The following LRP2 variants were observed in gnomAD, a reference collection of about 807,000 sequenced individuals.
LRP2 encodes LDL receptor related protein 2.
Under a neutral mutation model 531.0 loss-of-function variants are expected in LRP2, and 172 were observed. The observed-to-expected ratio is 0.32, with a 90% confidence interval of 0.29 to 0.37. The LOEUF is 0.37. Among genes scored for constraint, LRP2 ranks in the 10% least tolerant of loss-of-function variants. The pLI, the probability that LRP2 is intolerant of heterozygous loss-of-function variation, is 1.00. For missense variants in LRP2, 5,167 were observed against 5,868.3 expected (o/e 0.88, Z 3.90); for synonymous variants, 1,992 against 2,027.6 (o/e 0.98, Z 0.47).
At chr2:169,317,806 G>T (rs563970824) in intron 3 of LRP2, among the ~76,000 whole-genome samples, 2,067 of 152,268 alleles carry the variant, frequency 0.014, 50 homozygotes, top group African/African-American at 0.047. Flanking sequence ...GCCAGTCATG[G>T]GGGGGTCATG....
intron 1 of LRP2, among the ~76,000 whole-genome samples, chr2:169,330,894 TA>T (rs1039648185): frequency 3.2e-4 from 48 of 151,576 alleles, no homozygotes; most frequent in Admixed American, 6.6e-4. Context: ...CTAAAGATAA[TA>T]AAATTTCTTA....
At chr2:169,168,702 C>G in intron 60 of LRP2, 26 bp from the exon 61 acceptor site, 1 of 1,613,536 alleles carries the variant, frequency 6.2e-7, no homozygotes, top group South Asian at 1.1e-5. Flanking sequence ...AAAACATATT[C>G]AAATTATTAT....
chr2:169,207,570 C>A (rs1688441405), intron 38 of LRP2, among the ~76,000 whole-genome samples: 1 of 152,152 alleles, frequency 6.6e-6, no homozygotes, highest in Admixed American at 6.5e-5. Flanking sequence ...CTATCTGAAG[C>A]TCTAAATGCT....
rs10195737 is a variant in LRP2, at chr2:169,356,906, C to A, written c.79+5415G>T. Among the ~76,000 whole-genome samples, 3 of 152,080 alleles carry A rather than the reference C, an allele frequency of 2.0e-5. No individual in the cohort carries two copies. The South Asian group carries it at 6.2e-4, about 32-fold the overall frequency. ...GCAAAACTGCAGTCCATTTTAATTG[C>A]GAGATATGTAGACACCTCTTTTCAG... On this transcript the variant is annotated intron_variant, in intron 1 of 78. Coordinates refer to ENST00000649046, the MANE Select transcript of LRP2 (RefSeq NM_004525.3).
Position 169,205,693 on chromosome 2 carries a change from A to C in LRP2, c.7557-56T>G. 4.4e-6 allele frequency: 5 copies of C among 1,133,956 alleles called. No individual in the cohort carries two copies. The South Asian group carries it at 4.9e-5, about 11-fold the overall frequency. 70.2% of individuals were successfully genotyped at this position (1,133,956 alleles called of 1,614,324 possible). ...TCACAGGGAACCTCATAGTCCTTTA[A>C]AAAAAAAAAAAAGGACAATATTCTT... On this transcript the variant is annotated intron_variant, in intron 40 of 78. Coordinates refer to ENST00000649046, the MANE Select transcript of LRP2 (RefSeq NM_004525.3).
At chr2:169,303,257 C>A (rs1227000950) in intron 4 of LRP2, among the ~76,000 whole-genome samples, 2 of 152,044 alleles carry the variant, frequency 1.3e-5, no homozygotes, top group African/African-American at 2.4e-5. Context: ...AGCTAAGTAA[C>A]CTTTAAACAA....
chr2:169,306,255 C>T (rs1340036106), intron 4 of LRP2, among the ~76,000 whole-genome samples: 5 of 152,044 alleles, frequency 3.3e-5, no homozygotes, highest in African/African-American at 1.2e-4. Flanking sequence ...AACTAGGGGC[C>T]AGACACAGTG....
At chr2:169,294,008 C>A (rs1234510012) in intron 6 of LRP2, 140 bp downstream of exon 6, 2 of 716,650 alleles carry the variant, frequency 2.8e-6, no homozygotes, top group African/African-American at 3.5e-5. Flanking sequence ...CGTCTGATTC[C>A]ATCTGCCATC....
At chr2:169,287,705 T>A (rs1267933663) in intron 9 of LRP2, among the ~76,000 whole-genome samples, 7 of 151,548 alleles carry the variant, frequency 4.6e-5, no homozygotes, top group African/African-American at 1.2e-4. Flanking sequence ...GAGTAGTTGT[T>A]AAGATTAGCT....
intron 12 of LRP2, among the ~76,000 whole-genome samples, chr2:169,278,556 T>G (rs1301365998): frequency 6.6e-6 from 1 of 152,194 alleles, no homozygotes; most frequent in Non-Finnish European, 1.5e-5. Context: ...GCTTCTCTTT[T>G]TTACACCCAG....
intron 31 of LRP2, among the ~76,000 whole-genome samples, chr2:169,227,384 A>G (rs1285901386): frequency 6.6e-6 from 1 of 152,238 alleles, no homozygotes; most frequent in African/African-American, 2.4e-5. Context: ...ACATTCCCAT[A>G]ATATCTTAAA....
intron 65 of LRP2, 143 bp from the exon 66 acceptor site, chr2:169,154,746 A>G: frequency 1.3e-6 from 1 of 750,344 alleles, no homozygotes; most frequent in Non-Finnish European, 2.3e-6. Context: ...GTTAATCAAT[A>G]AAGCTGACTC....
At chr2:169,285,703 A>G (rs1251397046) in intron 9 of LRP2, among the ~76,000 whole-genome samples, 2 of 152,134 alleles carry the variant, frequency 1.3e-5, no homozygotes, top group Non-Finnish European at 2.9e-5. Flanking sequence ...CTGCACCACG[A>G]TGTCATTCTG....
intron 32 of LRP2, among the ~76,000 whole-genome samples, chr2:169,225,813 C>T (rs543200440): frequency 6.6e-6 from 1 of 152,086 alleles, no homozygotes; most frequent in Non-Finnish European, 1.5e-5. Context: ...TTCTTCTCTT[C>T]CTCCTTTATA....
chr2:169,169,534 T>G (rs1259042429), intron 60 of LRP2, among the ~76,000 whole-genome samples, 168 bp downstream of exon 60: 1 of 152,238 alleles, frequency 6.6e-6, no homozygotes, highest in Non-Finnish European at 1.5e-5. Context: ...CATTGTGAAA[T>G]GTATGATTAT....
chr2:169,226,641 T>C (rs1457629791), intron 31 of LRP2, 53 bp from the exon 32 acceptor site: 10 of 1,382,702 alleles, frequency 7.2e-6, no homozygotes, highest in Admixed American at 1.7e-5. Context: ...TTCCCAGACA[T>C]TTAGAGTAAT....
chr2:169,247,972 A>G (rs1690078209), intron 19 of LRP2, among the ~76,000 whole-genome samples: 2 of 152,190 alleles, frequency 1.3e-5, no homozygotes, highest in African/African-American at 4.8e-5. Context: ...TTCATATTCT[A>G]TGTTTTAATG....
intron 1 of LRP2, among the ~76,000 whole-genome samples, chr2:169,322,166 A>G (rs1684924361): frequency 2.0e-5 from 3 of 152,360 alleles, no homozygotes; most frequent in South Asian, 4.1e-4. Context: ...AAATTAGGTA[A>G]ATATACAGAT....
rs371738642 is a variant in LRP2, at chr2:169,169,739, G to A, written c.11460C>T (p.Ser3820=). The change falls in exon 60 of 79, where the codon TCC becomes TCT. Residue 3820 remains serine (S), a synonymous_variant. Transcript: ENST00000649046. ...CATCAGACGCATCCAAACAGTCAGC[G>A]GATCCATCGCATTTCAGTTCACTGT... ...CVHSELKCDG[S]ADCLDASDEA... The A allele has an allele frequency of 1.6e-5, 26 of 1,613,992 alleles. No homozygotes were observed. Among genetic ancestry groups the A allele is most frequent in the Admixed American group, 1.0e-4 (6 of 59,998 alleles).
Sources: allele counts gnomAD v4.1 joint callset (sites outside exome capture counted in the v4.1 genomes callset), GRCh38; gene constraint gnomAD v4.1.1; transcripts MANE v1.5; gene names NCBI Gene and HGNC (gene_info 2026-07-23, HGNC 2026-07-21).